The following CCR9 variants were observed in gnomAD, a reference collection of about 807,000 sequenced individuals.
The protein encoded by CCR9 is C-C motif chemokine receptor 9, also known as C-C chemokine receptor type 9.
A neutral mutation model predicts 8.7 loss-of-function variants in CCR9; 4 were observed. That is an observed-to-expected ratio of 0.46 (90% CI 0.23 to 1.06). CCR9 has a LOEUF of 1.06. CCR9 is among the 50% of genes least tolerant of loss of function. CCR9 has a pLI of 0.21. For missense variants in CCR9, 394 were observed against 453.6 expected (o/e 0.87, Z 1.19); for synonymous variants, 159 against 168.8 (o/e 0.94, Z 0.45).
intron 2 of CCR9, among the ~76,000 whole-genome samples, chr3:45,895,501 G>A (rs1702325090): frequency 6.6e-6 from 1 of 152,202 alleles, no homozygotes; most frequent in Non-Finnish European, 1.5e-5. Flanking sequence ...ACCTGGCCAA[G>A]GCCAGGATTT....
chr3:45,895,604 C>T (rs191404597), intron 2 of CCR9, among the ~76,000 whole-genome samples: 32 of 152,052 alleles, frequency 2.1e-4, no homozygotes, highest in Admixed American at 1.8e-3. Context: ...ATCCCAGCTA[C>T]GTGGGAGGCT....
rs201669237 is a variant in CCR9 at position 45,901,856 on chromosome 3, G to A, written c.1068G>A (p.Ser356=). ...GGAGAGAGGGAAGCTTGAAGCTGTCGTCTATGTTGCTGGAGACAACCTCAG... is the reference window on the plus strand; with the variant it reads ...GGAGAGAGGGAAGCTTGAAGCTGTCATCTATGTTGCTGGAGACAACCTCAG... ...FTRREGSLKL[S]SMLLETTSGA... is the part of the protein sequence containing the mutation. Residue 356 remains serine, a synonymous_variant, in exon 3 of 3, where the codon TCG becomes TCA. Coordinates refer to ENST00000357632, the MANE Select transcript of CCR9 (RefSeq NM_031200.3). This position sits in a 1 kb window ranked among gnomAD's most constrained non-coding sequence, Gnocchi z 4.3. The A allele has an allele frequency of 1.7e-5, 28 of 1,610,144 alleles. No homozygotes were observed. The highest frequency in any genetic ancestry group is 1.6e-4 in the Middle Eastern group (1 of 6,078).
At chr3:45,895,410 A>C (rs1196227042) in intron 2 of CCR9, among the ~76,000 whole-genome samples, 1 of 152,206 alleles carries the variant, frequency 6.6e-6, no homozygotes, top group Non-Finnish European at 1.5e-5. Context: ...CCAAGAGCTG[A>C]GCAAAAATTA....
rs1559421611 is a variant in CCR9, at chr3:45,890,337, C to CATATATATTTATATAA, written c.-29+3690_-29+3691insTTATATAAATATATAT. The stretch of plus-strand genomic sequence containing the variant: ...TATATTTATATAAATATATATATAA[C>CATATATATTTATATAA]ATATATATATAACATATATATATAT... On this transcript the variant is annotated intron_variant, in intron 1 of 2. Transcript: ENST00000357632. Among the ~76,000 whole-genome samples, 184 of 63,150 alleles carry CATATATATTTATATAA rather than the reference C, an allele frequency of 2.9e-3. 65 individuals carry two copies. The highest frequency in any genetic ancestry group is 0.02 in the African/African-American group (162 of 7,974). The allele number at this position is 63,150 out of a possible 152,430, so 41.4% of individuals were successfully genotyped here.
In CCR9 at chr3:45,894,029, T is replaced by C. The variant is rs142677772; in HGVS notation, c.-28-877T>C. ...TTTCGAGAACCTTGGGGTGTGATGC[T>C]GGACAGGTTTCCTTGAAATGTACTC... On this transcript the variant is annotated intron_variant, in intron 1 of 2. Transcript: ENST00000357632. Among the ~76,000 whole-genome samples the C allele has an allele frequency of 9.4e-3, 1,439 of 152,312 alleles. 26 individuals carry two copies. The highest frequency in any genetic ancestry group is 0.032 in the African/African-American group (1,326 of 41,572).
In CCR9 at chr3:45,901,765, G is replaced by C; in HGVS notation, c.977G>C (p.Arg326Pro). 1 of 1,614,126 alleles carries C rather than the reference G, an allele frequency of 6.2e-7. No individual in the cohort carries two copies. The highest frequency in any genetic ancestry group is 8.5e-7 in the Non-Finnish European group (1 of 1,180,028). ...LYVFVGERFR[R>P]DLVKTLKNLG... ...GTTTTTGTGGGTGAGAGATTCCGCC[G>C]GGATCTCGTGAAAACCCTGAAGAAC... Residue 326 changes from arginine to proline, a missense_variant, in exon 3 of 3, where the codon CGG (arginine) becomes CCG (proline). Arg to Pro is a moderately radical substitution (Grantham distance 103). Coordinates refer to ENST00000357632, the MANE Select transcript of CCR9 (RefSeq NM_031200.3). The surrounding 1 kb of genome is among the most constrained non-coding windows in gnomAD (Gnocchi z 4.3).
chr3:45,896,057 A>C (rs1702346552), intron 2 of CCR9, among the ~76,000 whole-genome samples: 1 of 152,238 alleles, frequency 6.6e-6, no homozygotes, highest in Non-Finnish European at 1.5e-5. Context: ...TTACATATGT[A>C]TAGTTACCTA....
In CCR9 at chr3:45,900,667, A is replaced by G. The variant is rs916269817; in HGVS notation, c.22-143A>G. ...TAAATAAATATGTCACAACCCAAGCAGATGTCCTCAGAATGCCTATGTGTC... is the reference window on the plus strand; with the variant it reads ...TAAATAAATATGTCACAACCCAAGCGGATGTCCTCAGAATGCCTATGTGTC... On this transcript the variant is annotated intron_variant, in intron 2 of 2. Coordinates refer to ENST00000357632, the MANE Select transcript of CCR9 (RefSeq NM_031200.3). This position sits in a 1 kb window ranked among gnomAD's most constrained non-coding sequence, Gnocchi z 4.7. The G allele has an allele frequency of 8.2e-6, 6 of 734,804 alleles. No homozygotes were observed. Among genetic ancestry groups the G allele is most frequent in the Non-Finnish European group, 1.4e-5 (6 of 439,592 alleles). 45.5% of individuals were successfully genotyped at this position (734,804 alleles called of 1,614,324 possible).
chr3:45,899,694 C>T (rs920583893), intron 2 of CCR9, among the ~76,000 whole-genome samples: 8 of 152,120 alleles, frequency 5.3e-5, no homozygotes, highest in South Asian at 2.1e-4. Flanking sequence ...GAAGTGAGAG[C>T]GCTTGAAGAT....
Position 45,901,397 on chromosome 3 carries a change from T to C in CCR9, c.609T>C (p.Pro203=). Residue 203 remains proline, a synonymous_variant, in exon 3 of 3, where the codon CCT becomes CCC. Coordinates refer to ENST00000357632, the MANE Select transcript of CCR9 (RefSeq NM_031200.3). The surrounding 1 kb of genome is among the most constrained non-coding windows in gnomAD (Gnocchi z 4.3). ...SGIAICTMVY[P]SDESTKLKSA... is the part of the protein sequence containing the mutation. ...TTGCTATCTGCACCATGGTTTACCC[T>C]AGCGATGAGAGCACCAAACTGAAGT... 1 of 1,614,234 alleles carries C rather than the reference T, an allele frequency of 6.2e-7. No individual in the cohort carries two copies. Among genetic ancestry groups the C allele is most frequent in the Non-Finnish European group, 8.5e-7 (1 of 1,180,032 alleles).
intron 1 of CCR9, among the ~76,000 whole-genome samples, chr3:45,887,325 A>C (rs1702014638): frequency 6.6e-6 from 1 of 152,184 alleles, no homozygotes; most frequent in African/African-American, 2.4e-5. Context: ...CAGAAACTTA[A>C]CAATGGCTAA....
Position 45,901,440 on chromosome 3 carries a change from A to C in CCR9, c.652A>C (p.Lys218Gln), listed in dbSNP as rs1702554201. 1 of 1,614,040 alleles carries C rather than the reference A, an allele frequency of 6.2e-7. No individual in the cohort carries two copies. Among genetic ancestry groups the C allele is most frequent in the South Asian group, 1.1e-5 (1 of 91,086 alleles). ...TKLKSAVLTL[K>Q]VILGFFLPFV... is the part of the protein sequence containing the mutation. ...ACTGAAGTCAGCTGTCTTGACCCTG[A>C]AGGTCATTCTGGGGTTCTTCCTTCC... is the stretch of plus-strand genomic sequence containing the variant. Residue 218 changes from lysine (K) to glutamine (Q), a missense_variant, in exon 3 of 3, where the codon AAG becomes CAG. Physicochemically the swap from Lys to Gln is moderately conservative, Grantham distance 53. Coordinates refer to ENST00000357632, the MANE Select transcript of CCR9 (RefSeq NM_031200.3). The surrounding 1 kb of genome is among the most constrained non-coding windows in gnomAD (Gnocchi z 4.3).
At chr3:45,897,334 G>C (rs1047487200) in intron 2 of CCR9, among the ~76,000 whole-genome samples, 4 of 152,070 alleles carry the variant, frequency 2.6e-5, no homozygotes, top group African/African-American at 9.7e-5. Context: ...AATATGCCTG[G>C]GGAGTCCCTA....
Position 45,890,273 on chromosome 3 carries a change from T to TTTATATAAATATATATAAC in CCR9, c.-29+3618_-29+3619insTTATATAAATATATATAAC, listed in dbSNP as rs1559421345. ...GGGTATTAGAAATATATATATAACA[T>TTTATATAAATATATATAAC]ATATATATATTTATATAAATATATA... is the stretch of plus-strand genomic sequence containing the variant. On this transcript the variant is annotated intron_variant, in intron 1 of 2. Transcript: ENST00000357632. Among the ~76,000 whole-genome samples the TTTATATAAATATATATAAC allele has an allele frequency of 1.4e-4, 3 of 20,878 alleles. 1 individual carries two copies. Among genetic ancestry groups the TTTATATAAATATATATAAC allele is most frequent in the Non-Finnish European group, 3.5e-4 (3 of 8,496 alleles). The allele number at this position is 20,878 out of a possible 152,430, so 13.7% of individuals were successfully genotyped here. A position where few individuals can be genotyped will look rare whatever the true frequency, so the allele number is the denominator to read the frequency against.
intron 1 of CCR9, 124 bp from the exon 2 acceptor site, chr3:45,894,782 C>G (rs762453216): frequency 1.5e-5 from 11 of 711,512 alleles, no homozygotes; most frequent in African/African-American, 7.0e-5. Context: ...ACTCTAACTC[C>G]TGCTTGGAAT....
intron 1 of CCR9, among the ~76,000 whole-genome samples, chr3:45,891,138 T>C (rs949633698): frequency 2.6e-5 from 4 of 152,224 alleles, no homozygotes; most frequent in African/African-American, 9.6e-5. Context: ...TGTCAGTGTT[T>C]TCCTGGCCCC....
upstream of CCR9, among the ~76,000 whole-genome samples, chr3:45,886,203 C>G (rs1311791774): frequency 6.6e-6 from 1 of 152,070 alleles, no homozygotes; most frequent in Non-Finnish European, 1.5e-5. Context: ...GTGACACCAC[C>G]TAAAGAAATC....
intron 1 of CCR9, among the ~76,000 whole-genome samples, chr3:45,889,513 T>A (rs80136777): frequency 0.079 from 11,993 of 152,048 alleles, 615 homozygotes; most frequent in Non-Finnish European, 0.11. Flanking sequence ...ATCTGACAAG[T>A]TATTTTTATG....
At chr3:45,894,621 A>G (rs1702292799) in intron 1 of CCR9, among the ~76,000 whole-genome samples, 1 of 152,172 alleles carries the variant, frequency 6.6e-6, no homozygotes, top group Admixed American at 6.5e-5. Flanking sequence ...TGGATGGGAG[A>G]TGTACTAATT....
Sources: gnomAD v4.1 joint callset for allele counts (sites outside exome capture counted in the v4.1 genomes callset) on GRCh38, gnomAD v4.1.1 for gene constraint, Gnocchi (gnomAD v3.1) non-coding constraint, MANE v1.5 for transcripts, NCBI Gene and HGNC (gene_info 2026-07-23, HGNC 2026-07-21) for gene names.